The following MACROD2 variants were observed in gnomAD, a reference collection of about 807,000 sequenced individuals.
The protein encoded by MACROD2 is ADP-ribose glycohydrolase MACROD2.
A neutral mutation model predicts 70.4 loss-of-function variants in MACROD2; 36 were observed. The observed-to-expected ratio is 0.51, with a 90% CI of 0.39 to 0.68. The LOEUF (loss-of-function observed/expected upper bound fraction) is 0.68. Among genes scored for constraint, MACROD2 ranks in the 30% least tolerant of loss-of-function variants. The pLI is 0.00. For missense variants in MACROD2, 496 were observed against 538.4 expected, an observed-to-expected ratio of 0.92 and a Z score of 0.78; for synonymous variants, 172 against 178.8, an observed-to-expected ratio of 0.96 and a Z score of 0.30.
At chr20:15,520,801 C>G (rs2047642613) in intron 8 of MACROD2, among the ~76,000 whole-genome samples, 1 of 152,258 alleles carries the variant, frequency 6.6e-6, no homozygotes, top group African/African-American at 2.4e-5. Flanking sequence ...AGTTCCTTCA[C>G]TTGTTTCTCT....
intron 5 of MACROD2, among the ~76,000 whole-genome samples, chr20:15,007,638 T>A (rs1350124766): frequency 1.3e-5 from 2 of 152,154 alleles, no homozygotes; most frequent in East Asian, 1.9e-4. Flanking sequence ...ATAGGATTTT[T>A]AAAAAGGGCA....
At chr20:15,667,301 G>A (rs191992727) in intron 8 of MACROD2, among the ~76,000 whole-genome samples, 38 of 152,206 alleles carry the variant, frequency 2.5e-4, no homozygotes, top group Non-Finnish European at 2.1e-4. Flanking sequence ...TTCACCTTCC[G>A]CTGTGAGTAA....
intron 5 of MACROD2, among the ~76,000 whole-genome samples, chr20:15,214,414 T>C (rs1225689242): frequency 6.6e-6 from 1 of 152,074 alleles, no homozygotes; most frequent in Non-Finnish European, 1.5e-5. Context: ...CATGAAATTC[T>C]ATACATTGCA....
intron 8 of MACROD2, among the ~76,000 whole-genome samples, chr20:15,745,621 C>T (rs6043504): frequency 0.07 from 10,668 of 152,074 alleles, 1,249 homozygotes; most frequent in African/African-American, 0.24. Context: ...ATTTATTAAT[C>T]TTTTTTATGT....
Position 13,995,832 on chromosome 20 carries a change from G to A in MACROD2, c.46+23G>A, listed in dbSNP as rs1352823643. 1 of 1,568,356 alleles carries A rather than the reference G, an allele frequency of 6.4e-7. No individual in the cohort carries two copies. The highest frequency in any genetic ancestry group is 1.9e-5 in the Admixed American group (1 of 53,370). ...AAGGTAACCGGCCCGTCGAGTCCTG[G>A]GGGTGCGGGCGGTGGGGGTTAGGGT... On this transcript the variant is annotated intron_variant, in intron 1 of 17. Transcript: ENST00000684519. This position sits in a 1 kb window ranked among gnomAD's most constrained non-coding sequence, Gnocchi z 4.3.
At chr20:15,753,050 A>G (rs1341172003) in intron 8 of MACROD2, among the ~76,000 whole-genome samples, 2 of 152,060 alleles carry the variant, frequency 1.3e-5, no homozygotes, top group Admixed American at 6.5e-5. Context: ...AAGCAAATGC[A>G]GTTGACCATG....
intron 8 of MACROD2, among the ~76,000 whole-genome samples, chr20:15,641,692 T>C (rs1389663770): frequency 1.3e-5 from 2 of 152,220 alleles, no homozygotes; most frequent in African/African-American, 4.8e-5. Flanking sequence ...AAGGCATATA[T>C]GTTTTAGAGG....
At chr20:15,021,327 C>T (rs1278790137) in intron 5 of MACROD2, among the ~76,000 whole-genome samples, 1 of 132,570 alleles carries the variant, frequency 7.5e-6, no homozygotes, top group Non-Finnish European at 1.6e-5. Context: ...TATACATACA[C>T]GTGTGTGTAT....
chr20:14,332,282 T>C (rs890630787), intron 3 of MACROD2, among the ~76,000 whole-genome samples: 2 of 152,110 alleles, frequency 1.3e-5, no homozygotes, highest in African/African-American at 4.8e-5. Flanking sequence ...ATAAAACATG[T>C]AAATAGATAA....
intron 6 of MACROD2, among the ~76,000 whole-genome samples, chr20:15,385,121 T>TG (rs1409079639): frequency 1.3e-5 from 2 of 152,092 alleles, no homozygotes; most frequent in Non-Finnish European, 2.9e-5. Flanking sequence ...ATGCACACAG[T>TG]GGGTGGGGCA....
intron 6 of MACROD2, among the ~76,000 whole-genome samples, chr20:15,354,543 A>G (rs942742899): frequency 1.3e-5 from 2 of 152,198 alleles, no homozygotes; most frequent in African/African-American, 4.8e-5. Flanking sequence ...GTAATATGAC[A>G]CTATTCTTTT....
chr20:14,992,322 G>A (rs570451620), intron 5 of MACROD2, among the ~76,000 whole-genome samples: 5 of 152,280 alleles, frequency 3.3e-5, no homozygotes, highest in Non-Finnish European at 7.4e-5. Context: ...TCTGTAGAAT[G>A]TAGGTGTTGT....
intron 5 of MACROD2, chr20:14,933,878 T>G (rs2074317701): frequency 1.3e-5 from 2 of 152,222 alleles, no homozygotes; most frequent in African/African-American, 4.8e-5. Flanking sequence ...TGTATTTATT[T>G]AAAACATACT....
chr20:14,006,314 A>C (rs1342631821), intron 2 of MACROD2, among the ~76,000 whole-genome samples: 3 of 152,170 alleles, frequency 2.0e-5, no homozygotes, highest in Non-Finnish European at 4.4e-5. Context: ...TGCATCCATT[A>C]CCCAGTTTCA....
intron 3 of MACROD2, among the ~76,000 whole-genome samples, chr20:14,430,172 C>A (rs1288613774): frequency 6.6e-6 from 1 of 152,116 alleles, no homozygotes; most frequent in Non-Finnish European, 1.5e-5. Context: ...GGTTCCAGGG[C>A]AATAAAATTA....
At chr20:15,773,467 T>G (rs576455154) in intron 8 of MACROD2, among the ~76,000 whole-genome samples, 1 of 152,272 alleles carries the variant, frequency 6.6e-6, no homozygotes, top group African/African-American at 2.4e-5. Flanking sequence ...AGATGATGAT[T>G]ACAAAGCACT....
At chr20:15,155,320 T>C (rs1311694167) in intron 5 of MACROD2, among the ~76,000 whole-genome samples, 1 of 152,146 alleles carries the variant, frequency 6.6e-6, no homozygotes, top group African/African-American at 2.4e-5. Context: ...CAGTTTGCTC[T>C]CATCTGGCCC....
At chr20:15,666,023 A>G (rs2049893198) in intron 8 of MACROD2, among the ~76,000 whole-genome samples, 1 of 152,220 alleles carries the variant, frequency 6.6e-6, no homozygotes, top group Non-Finnish European at 1.5e-5. Flanking sequence ...TTAAAAGAGT[A>G]TAAAGATAAA....
In MACROD2 at chr20:15,383,922, TAACTC is replaced by T. The variant is rs1234801547; in HGVS notation, c.541-47481_541-47477del. Among the ~76,000 whole-genome samples the T allele has an allele frequency of 2.6e-5, 4 of 152,200 alleles. 1 individual carries two copies. Among genetic ancestry groups the T allele is most frequent in the African/African-American group, 9.6e-5 (4 of 41,466 alleles). On this transcript the variant is annotated intron_variant, in intron 6 of 17. Coordinates refer to ENST00000684519, the MANE Select transcript of MACROD2 (RefSeq NM_001351661.2). ...CTGATCTAAAAAAGTGGCCATTAATTAACTCAGGGAGCAATTCAGCTATTTTTTTT... is the reference window on the plus strand; with the variant it reads ...CTGATCTAAAAAAGTGGCCATTAATTAGGGAGCAATTCAGCTATTTTTTTT...
Sources: allele counts gnomAD v4.1 joint callset (sites outside exome capture counted in the v4.1 genomes callset), GRCh38; gene constraint gnomAD v4.1.1; non-coding constraint Gnocchi (gnomAD v3.1); transcripts MANE v1.5; gene names NCBI Gene and HGNC (gene_info 2026-07-23, HGNC 2026-07-21).